RSPRY1: variants seen among roughly 807,000 people sequenced by gnomAD.
The protein encoded by RSPRY1 is RING finger and SPRY domain-containing protein 1.
In RSPRY1, 23 loss-of-function variants were observed where a neutral mutation model predicts 73.1. That is an observed-to-expected ratio of 0.31 (90% CI 0.23 to 0.45). The LOEUF is 0.45. Ranked by LOEUF, RSPRY1 falls within the 20% of genes least tolerant of loss-of-function variation. The pLI is 1.00. For missense variants in RSPRY1, 448 were observed against 698.7 expected (o/e 0.64, Z 4.05); for synonymous variants, 226 against 251.4 (o/e 0.90, Z 0.95).
intron 8 of RSPRY1, among the ~76,000 whole-genome samples, chr16:57,219,140 T>G (rs1247003360): frequency 6.6e-6 from 1 of 152,236 alleles, no homozygotes; most frequent in African/African-American, 2.4e-5. Context: ...GATATTTCTT[T>G]GACATACTAA....
chr16:57,216,142 A>G lies in RSPRY1; in HGVS notation c.738A>G (p.Ala246=). 1.9e-6 allele frequency: 3 copies of G among 1,609,506 alleles called. No individual in the cohort carries two copies. The highest frequency in any genetic ancestry group is 1.1e-5 in the South Asian group (1 of 90,978). ...CCCACCCCACAGTCATGCTTTTTGC[A>G]CTTATCGCACTGGAAAAGTTTGCAC... ...LQSHPTVMLF[A]LIALEKFAQT... Residue 246 remains alanine (A), a synonymous_variant, in exon 7 of 15, where the codon GCA becomes GCG. Transcript: ENST00000394420.
intron 10 of RSPRY1, among the ~76,000 whole-genome samples, chr16:57,224,220 CCTAA>C (rs1415586151): frequency 1.3e-5 from 2 of 152,188 alleles, no homozygotes; most frequent in African/African-American, 4.8e-5. Context: ...GGAAATCCAT[CCTAA>C]CTATCCCTCT....
At chr16:57,228,351 G>A (rs2075153154) in intron 11 of RSPRY1, among the ~76,000 whole-genome samples, 1 of 149,528 alleles carries the variant, frequency 6.7e-6, no homozygotes, top group Non-Finnish European at 1.5e-5. Flanking sequence ...TTAAATTGGT[G>A]GTGTGGGAAA....
intron 10 of RSPRY1, among the ~76,000 whole-genome samples, 197 bp from the exon 11 acceptor site, chr16:57,227,145 G>A (rs1009986451): frequency 2.0e-5 from 3 of 152,108 alleles, no homozygotes; most frequent in African/African-American, 4.8e-5. Context: ...AATATTTGTT[G>A]GTGAAGTCAT....
Position 57,238,999 on chromosome 16 carries a change from C to G in RSPRY1, c.*24C>G. 1 of 1,250,978 alleles carries G rather than the reference C, an allele frequency of 8.0e-7. No homozygotes were observed. The highest frequency in any genetic ancestry group is 1.2e-6 in the Non-Finnish European group (1 of 869,244). 77.5% of individuals were successfully genotyped at this position (1,250,978 alleles called of 1,614,324 possible). On this transcript the variant is annotated 3_prime_UTR_variant, in exon 15 of 15. Coordinates refer to ENST00000394420, the MANE Select transcript of RSPRY1 (RefSeq NM_133368.3). ...GACACATGTGAAGAGGCATCGTGGA[C>G]TTTTTTCTACTCAATTCCAGCCAAT... is the stretch of plus-strand genomic sequence containing the variant.
chr16:57,210,067 CTTCCTTCT>C (rs2146273376), intron 4 of RSPRY1, among the ~76,000 whole-genome samples: 1 of 142,770 alleles, frequency 7.0e-6, no homozygotes, highest in African/African-American at 2.6e-5. Context: ...TCCTCCCTTC[CTTCCTTCT>C]TTCCTTCCCT....
At chr16:57,235,277 A>G in intron 14 of RSPRY1, 49 bp downstream of exon 14, 3 of 1,321,066 alleles carry the variant, frequency 2.3e-6, no homozygotes, top group Non-Finnish European at 3.3e-6. Context: ...TTAAATTGCT[A>G]GTTCCATGGC....
intron 1 of RSPRY1, among the ~76,000 whole-genome samples, chr16:57,195,664 CTTT>C (rs201029140): frequency 7.0e-6 from 1 of 143,116 alleles, no homozygotes; most frequent in Non-Finnish European, 1.5e-5. Flanking sequence ...GTGTGACTAG[CTTT>C]TTTTTTTTTT....
intron 10 of RSPRY1, among the ~76,000 whole-genome samples, chr16:57,222,159 T>C (rs1165877660): frequency 1.3e-5 from 2 of 152,212 alleles, no homozygotes; most frequent in African/African-American, 2.4e-5. Context: ...ATCTAAATAA[T>C]AGCCCCCCCC....
rs766667700 is a variant in RSPRY1 at position 57,238,945 on chromosome 16, T to C, written c.1701T>C (p.Ser567=). 3.1e-6 allele frequency: 5 copies of C among 1,607,500 alleles called. No individual in the cohort carries two copies. The highest frequency in any genetic ancestry group is 1.1e-5 in the South Asian group (1 of 90,232). The part of the protein sequence containing the change: ...TCPLCRKEIV[S]RIRQISHIS The stretch of plus-strand genomic sequence containing the variant: ...CATTGTGTCGTAAAGAAATAGTATC[T>C]AGAATCAGACAGATTTCTCATATTT... The change falls in exon 15 of 15, where the codon TCT becomes TCC. Residue 567 remains serine, a synonymous_variant. Coordinates refer to ENST00000394420, the MANE Select transcript of RSPRY1 (RefSeq NM_133368.3).
Position 57,209,091 on chromosome 16 carries a change from T to A in RSPRY1, c.420T>A (p.Asp140Glu). ...TGCTCTTAGATGAAGGATGGTTGGA[T>A]GTTGTCCAGTCTTTAATTAGAGTTA... ...EMAETDEGWL[D>E]VVQSLIRVIP... The change falls in exon 4 of 15, where the codon GAT (aspartate) becomes GAA (glutamate). Residue 140 changes from aspartate (D) to glutamate (E), a missense_variant. Asp to Glu is a conservative substitution (Grantham distance 45). Coordinates refer to ENST00000394420, the MANE Select transcript of RSPRY1 (RefSeq NM_133368.3). 6.2e-7 allele frequency: 1 copy of A among 1,611,068 alleles called. No individual in the cohort carries two copies. Among genetic ancestry groups the A allele is most frequent in the African/African-American group, 1.3e-5 (1 of 74,986 alleles).
chr16:57,209,243 A>G, intron 4 of RSPRY1, 56 bp downstream of exon 4: 1 of 1,135,712 alleles, frequency 8.8e-7, no homozygotes, highest in Non-Finnish European at 1.3e-6. Flanking sequence ...CACAAGATAA[A>G]TGACCACAAA....
chr16:57,228,717 G>A (rs1162754475), intron 11 of RSPRY1, among the ~76,000 whole-genome samples: 1 of 152,054 alleles, frequency 6.6e-6, no homozygotes, highest in East Asian at 1.9e-4. Context: ...TTGAGACAGG[G>A]TCTCATCTAT....
chr16:57,232,676 A>G (rs555123783), intron 13 of RSPRY1, among the ~76,000 whole-genome samples: 1 of 152,354 alleles, frequency 6.6e-6, no homozygotes, highest in East Asian at 1.9e-4. Context: ...TTCAGCATTT[A>G]GTTAACTGCT....
At position 57,216,888 on chromosome 16, in the gene RSPRY1, A is replaced by G; in HGVS notation, c.770-16A>G. The stretch of plus-strand genomic sequence containing the variant: ...CCCTTTCATTGTTAATTCAAGGATT[A>G]TGTCTTTCCAAACAGGTGAAAATAA... On this transcript the variant is annotated splice_polypyrimidine_tract_variant and intron_variant, in intron 7 of 14. Coordinates refer to ENST00000394420, the MANE Select transcript of RSPRY1 (RefSeq NM_133368.3). 1 of 1,610,336 alleles carries G rather than the reference A, an allele frequency of 6.2e-7. No homozygotes were observed. Among genetic ancestry groups the G allele is most frequent in the Non-Finnish European group, 8.5e-7 (1 of 1,176,884 alleles).
chr16:57,202,472 ATTCTC>A (rs2074636796), intron 1 of RSPRY1, among the ~76,000 whole-genome samples: 1 of 152,184 alleles, frequency 6.6e-6, no homozygotes, highest in Admixed American at 6.5e-5. Context: ...TGTTTCCTCT[ATTCTC>A]TTAAGCATTG....
Position 57,236,761 on chromosome 16 carries a change from CTA to C in RSPRY1, c.1634+1535_1634+1536del, listed in dbSNP as rs1479499154. 3.3e-5 allele frequency among the ~76,000 whole-genome samples: 5 copies of C among 152,242 alleles called. No homozygotes were observed. In the South Asian group the frequency reaches 8.3e-4, roughly 25 times the overall value. On this transcript the variant is annotated intron_variant, in intron 14 of 14. Coordinates refer to ENST00000394420, the MANE Select transcript of RSPRY1 (RefSeq NM_133368.3). Reference sequence around the variant, plus strand: ...TGATAAAACTCATAAAAAGAAAAAACTATTTTTTTATGAATATAAATCTAAAA... The same window carrying C: ...TGATAAAACTCATAAAAAGAAAAAACTTTTTTTATGAATATAAATCTAAAA...
Position 57,213,071 on chromosome 16 carries a change from C to T in RSPRY1, c.616C>T (p.Leu206=). ...CAAACACAGGAACACATCTGCAGTCCTAGGCTGCTTGGCCGAGAAACTAGC... is the reference window on the plus strand; with the variant it reads ...CAAACACAGGAACACATCTGCAGTCTTAGGCTGCTTGGCCGAGAAACTAGC... The part of the protein sequence containing the change: ...PAKHRNTSAV[L]GCLAEKLAGP... The change falls in exon 5 of 15, where the codon CTA becomes TTA. Residue 206 remains leucine (L), a synonymous_variant. Transcript: ENST00000394420. 6.2e-7 allele frequency: 1 copy of T among 1,613,616 alleles called. No homozygotes were observed. The highest frequency in any genetic ancestry group is 8.5e-7 in the Non-Finnish European group (1 of 1,179,730).
At chr16:57,216,396 T>G (rs532685371) in intron 7 of RSPRY1, 1 of 492,416 alleles carries the variant, frequency 2.0e-6, no homozygotes, top group Non-Finnish European at 3.6e-6. Context: ...TACTCACTTT[T>G]TATAGCCAAA....
Sources: allele counts gnomAD v4.1 joint callset (sites outside exome capture counted in the v4.1 genomes callset), GRCh38; gene constraint gnomAD v4.1.1; transcripts MANE v1.5; gene names NCBI Gene and HGNC (gene_info 2026-07-23, HGNC 2026-07-21).